CUX2: variants seen among roughly 807,000 people sequenced by gnomAD.
CUX2 encodes the protein cut like homeobox 2, also known as homeobox protein cut-like 2.
In CUX2, 40 loss-of-function variants were observed where a neutral mutation model predicts 144.8. That is an observed-to-expected ratio of 0.28 (90% confidence interval 0.21 to 0.36). The LOEUF is 0.36. Ranked by LOEUF, CUX2 falls within the 10% of genes least tolerant of loss-of-function variation. CUX2 has a pLI of 1.00. For synonymous variants in CUX2, 827 were observed against 875.6 expected (o/e 0.94, Z 0.98); for missense variants, 1,615 against 1,994.0 (o/e 0.81, Z 3.62).
chr12:111,231,624 A>G (rs1390164276), intron 3 of CUX2, among the ~76,000 whole-genome samples: 3 of 152,222 alleles, frequency 2.0e-5, no homozygotes, highest in Non-Finnish European at 4.4e-5. Context: ...GTTTTATTAG[A>G]ACACAGTCCA....
chr12:111,322,544 G>C lies in CUX2; in HGVS notation c.2890G>C (p.Gly964Arg), dbSNP rs369707993. The C allele has an allele frequency of 9.3e-6, 15 of 1,609,690 alleles. No individual in the cohort carries two copies. The highest frequency in any genetic ancestry group is 1.2e-5 in the Non-Finnish European group (14 of 1,179,496). Residue 964 changes from glycine to arginine, a missense_variant, in exon 18 of 22, where the codon GGC becomes CGC. Gly to Arg is a moderately radical substitution (Grantham distance 125). This residue lies in a region of CUX2 where 128 missense variants were observed against 124.4 expected (regional missense o/e 1.03). Coordinates refer to ENST00000261726, the MANE Select transcript of CUX2 (RefSeq NM_015267.4). The surrounding 1 kb of genome is among the most constrained non-coding windows in gnomAD (Gnocchi z 4.2). ...GCAGCTGTGGCTCTCTGACCAGCTC[G>C]GCCAGGCAGTGGGCCAGCAGCCTGG... Reference protein sequence around the residue: ...RMQLWLSDQLGQAVGQQPGAS... With the variant: ...RMQLWLSDQLRQAVGQQPGAS...
intron 1 of CUX2, among the ~76,000 whole-genome samples, chr12:111,149,762 T>G (rs1876919331): frequency 1.3e-5 from 2 of 152,208 alleles, no homozygotes; most frequent in African/African-American, 4.8e-5. Context: ...AGTTATTTTT[T>G]CACTGGAGTG....
chr12:111,209,597 G>T (rs571499232), intron 1 of CUX2, among the ~76,000 whole-genome samples: 1 of 152,296 alleles, frequency 6.6e-6, no homozygotes, highest in African/African-American at 2.4e-5. Flanking sequence ...CGACCTTGAG[G>T]ATTCCTTCTA....
chr12:111,253,404 C>T (rs1391105561), intron 3 of CUX2, among the ~76,000 whole-genome samples: 1 of 152,048 alleles, frequency 6.6e-6, no homozygotes, highest in East Asian at 1.9e-4. Flanking sequence ...CAGCCCCTGC[C>T]CCAGGGCCTT....
intron 2 of CUX2, 46 bp downstream of exon 2, chr12:111,214,356 A>G: frequency 9.1e-7 from 1 of 1,104,574 alleles, no homozygotes; most frequent in Non-Finnish European, 1.4e-6. Context: ...AGGAATGCAG[A>G]TTTCTCTCCA....
intron 4 of CUX2, among the ~76,000 whole-genome samples, chr12:111,283,367 C>T (rs1885219648): frequency 6.6e-6 from 1 of 152,140 alleles, no homozygotes; most frequent in African/African-American, 2.4e-5. Context: ...CCGTGCTCAG[C>T]CATTGGAAGA....
intron 1 of CUX2, among the ~76,000 whole-genome samples, chr12:111,166,435 G>A (rs950065040): frequency 7.2e-5 from 11 of 152,308 alleles, no homozygotes; most frequent in Admixed American, 2.6e-4. Flanking sequence ...ACGACATACC[G>A]TAGATGGTAA....
chr12:111,223,481 G>C (rs925901304), intron 3 of CUX2, among the ~76,000 whole-genome samples: 1 of 152,324 alleles, frequency 6.6e-6, no homozygotes, highest in Middle Eastern at 3.4e-3. Flanking sequence ...ATCTGGGCCT[G>C]TGCCTACTTT....
intron 1 of CUX2, among the ~76,000 whole-genome samples, chr12:111,134,091 TAG>T (rs1241090350): frequency 1.3e-5 from 2 of 152,328 alleles, no homozygotes; most frequent in South Asian, 2.1e-4. Context: ...TACAGGAGAT[TAG>T]AGTCTCCCTC....
chr12:111,148,334 A>G (rs1275653550), intron 1 of CUX2, among the ~76,000 whole-genome samples: 5 of 151,190 alleles, frequency 3.3e-5, no homozygotes, highest in Non-Finnish European at 7.4e-5. Context: ...AGTCAAATCC[A>G]CAGAGAGAGA....
intron 1 of CUX2, among the ~76,000 whole-genome samples, chr12:111,159,357 C>A (rs1389307857): frequency 6.6e-6 from 1 of 151,164 alleles, no homozygotes; most frequent in African/African-American, 2.4e-5. Flanking sequence ...ACTACATTAC[C>A]CAGACTGGTC....
intron 3 of CUX2, among the ~76,000 whole-genome samples, chr12:111,259,589 C>T (rs1006808140): frequency 6.6e-6 from 1 of 152,038 alleles, no homozygotes; most frequent in Non-Finnish European, 1.5e-5. Context: ...TGTAGCTGGA[C>T]GCAGTGCCTC....
intron 3 of CUX2, among the ~76,000 whole-genome samples, chr12:111,225,558 C>A (rs796526821): frequency 6.6e-6 from 1 of 152,212 alleles, no homozygotes; most frequent in South Asian, 2.1e-4. Flanking sequence ...GCTCACACAG[C>A]GGTTCATCAG....
intron 4 of CUX2, among the ~76,000 whole-genome samples, chr12:111,285,904 G>A (rs975390754): frequency 6.6e-6 from 1 of 152,164 alleles, no homozygotes; most frequent in Admixed American, 6.5e-5. Context: ...AGGTCTAAGG[G>A]CCCATCTCAG....
intron 1 of CUX2, among the ~76,000 whole-genome samples, chr12:111,086,178 C>T (rs1872204291): frequency 6.6e-6 from 1 of 152,310 alleles, no homozygotes; most frequent in African/African-American, 2.4e-5. Context: ...TCTCTCTGCT[C>T]CTGCTAAAGA....
At chr12:111,130,270 A>G (rs979840579) in intron 1 of CUX2, among the ~76,000 whole-genome samples, 1 of 152,174 alleles carries the variant, frequency 6.6e-6, no homozygotes, top group Non-Finnish European at 1.5e-5. Flanking sequence ...CTCTGTTTTT[A>G]TGATTCAGGT....
At chr12:111,179,236 C>T (rs1357579389) in intron 1 of CUX2, among the ~76,000 whole-genome samples, 2 of 152,190 alleles carry the variant, frequency 1.3e-5, no homozygotes, top group Non-Finnish European at 2.9e-5. Context: ...CAGCCCCAGC[C>T]CTGCCCCTGA....
At chr12:111,156,985 CAAAAA>C (rs1200398908) in intron 1 of CUX2, among the ~76,000 whole-genome samples, 8 of 18,998 alleles carry the variant, frequency 4.2e-4, no homozygotes, top group East Asian at 3.9e-3. Flanking sequence ...AAACTTCTCT[CAAAAA>C]AAAAAAAAAA....
At chr12:111,138,514 G>A (rs1566247406) in intron 1 of CUX2, among the ~76,000 whole-genome samples, 1 of 152,070 alleles carries the variant, frequency 6.6e-6, no homozygotes, top group Non-Finnish European at 1.5e-5. Flanking sequence ...TGACCTTTCT[G>A]AGCCTCAGTT....
Sources: gnomAD v4.1 joint callset for allele counts (sites outside exome capture counted in the v4.1 genomes callset) on GRCh38, gnomAD v4.1.1 for gene constraint, gnomAD v4.1.1 regional missense constraint, Gnocchi (gnomAD v3.1) non-coding constraint, MANE v1.5 for transcripts, NCBI Gene and HGNC (gene_info 2026-07-23, HGNC 2026-07-21) for gene names.